Variants in SCIN observed in about 807,000 individuals in gnomAD.
SCIN encodes the protein scinderin, also known as adseverin.
SCIN carries 91 observed loss-of-function variants against 91.8 expected under a neutral mutation model. The observed-to-expected ratio is 0.99, with a 90% CI of 0.84 to 1.18. SCIN has a LOEUF of 1.18. SCIN is among the 50% of genes most tolerant of loss of function. The pLI is 0.00. For synonymous variants in SCIN, 367 were observed against 312.6 expected, an observed-to-expected ratio of 1.17 and a Z score of -1.84; for missense variants, 1,087 against 863.9, an observed-to-expected ratio of 1.26 and a Z score of -3.24.
chr7:12,570,770 C>G lies in SCIN; in HGVS notation c.-17C>G. ...CAGCGATATCACGCGTCCCCCGGAG[C>G]ATCGCGTGCAGGAGCCATGGCGCGG... On this transcript the variant is annotated 5_prime_UTR_variant, in exon 1 of 16. Coordinates refer to ENST00000297029, the MANE Select transcript of SCIN (RefSeq NM_001112706.3). 6.5e-7 allele frequency: 1 copy of G among 1,547,816 alleles called. No homozygotes were observed. The highest frequency in any genetic ancestry group is 8.7e-7 in the Non-Finnish European group (1 of 1,145,118).
chr7:12,587,021 C>T (rs1478829439), intron 3 of SCIN, among the ~76,000 whole-genome samples: 1 of 151,952 alleles, frequency 6.6e-6, no homozygotes, highest in East Asian at 1.9e-4. Flanking sequence ...TTGTATAGTG[C>T]TATGTGGTGA....
chr7:12,590,478 T>C (rs1293520029), intron 3 of SCIN, among the ~76,000 whole-genome samples: 2 of 152,072 alleles, frequency 1.3e-5, no homozygotes, highest in Non-Finnish European at 2.9e-5. Flanking sequence ...CACACTGATA[T>C]GGAAGGATTG....
rs75175920 is a variant in SCIN at position 12,636,060 on chromosome 7, C to T, written c.1335C>T (p.Ala445=). Residue 445 remains alanine, a synonymous_variant, in exon 10 of 16, where the codon GCC becomes GCT. Coordinates refer to ENST00000297029, the MANE Select transcript of SCIN (RefSeq NM_001112706.3). ...ATTCCTCTAGGCAAGGAGCAAATGC[C>T]ACACGAGATGAGCTGACAACATCTG... is the stretch of plus-strand genomic sequence containing the variant. ...QIIYTWQGAN[A]TRDELTTSAF... is the part of the protein sequence containing the mutation. The T allele has an allele frequency of 9.3e-4, 1,501 of 1,612,548 alleles. 17 individuals carry two copies. In the African/African-American group the frequency reaches 0.018, roughly 19 times the overall value.
rs922389879 is a variant in SCIN, at chr7:12,656,403, T to G, written c.*3688T>G. 2 of 152,198 alleles carry G rather than the reference T, an allele frequency of 1.3e-5. No individual in the cohort carries two copies. Among genetic ancestry groups the G allele is most frequent in the Non-Finnish European group, 1.5e-5 (1 of 68,032 alleles). The allele number at this position is 152,198 out of a possible 1,614,324, so 9.4% of individuals were successfully genotyped here. ...AAACCTAATTTATTTTAAACCTAAT[T>G]TATTTATTTTAAACCTAATTTATTT... On this transcript the variant is annotated 3_prime_UTR_variant, in exon 16 of 16. Transcript: ENST00000297029.
intron 4 of SCIN, among the ~76,000 whole-genome samples, chr7:12,607,487 T>A (rs941531855): frequency 2.6e-5 from 4 of 152,242 alleles, no homozygotes; most frequent in Non-Finnish European, 4.4e-5. Context: ...GAAGAAAAAC[T>A]GTGCAAAAAT....
intron 2 of SCIN, 90 bp downstream of exon 2, chr7:12,578,308 G>C (rs1172079609): frequency 2.5e-6 from 3 of 1,219,628 alleles, no homozygotes; most frequent in East Asian, 2.7e-5. Flanking sequence ...GTTCGTTGAG[G>C]GCAGGGGTTT....
chr7:12,592,295 C>T (rs6967031), intron 3 of SCIN, among the ~76,000 whole-genome samples: 70,897 of 151,728 alleles, frequency 0.47, 17,717 homozygotes, highest in East Asian at 0.79. Flanking sequence ...ACTGATGGCT[C>T]GGAGGTTGTG....
In SCIN at chr7:12,659,304, CT is replaced by C. The variant is rs1784221923; in HGVS notation, c.*6591del. ...CATTTACCACCCATTTGTCTATGGA[CT>C]TAATCTATGTCTCTATGAGCTGGTA... On this transcript the variant is annotated 3_prime_UTR_variant, in exon 16 of 16. Coordinates refer to ENST00000297029, the MANE Select transcript of SCIN (RefSeq NM_001112706.3). The C allele has an allele frequency of 6.6e-6, 1 of 152,162 alleles. No individual in the cohort carries two copies. The highest frequency in any genetic ancestry group is 6.5e-5 in the Admixed American group (1 of 15,280). The allele number at this position is 152,162 out of a possible 1,614,324, so 9.4% of individuals were successfully genotyped here.
chr7:12,641,040 C>G (rs921674374), intron 11 of SCIN, among the ~76,000 whole-genome samples: 2 of 152,200 alleles, frequency 1.3e-5, no homozygotes, highest in Admixed American at 6.5e-5. Context: ...CAGGTATAGA[C>G]AAGGCCAGCC....
chr7:12,653,104 A>C lies in SCIN; in HGVS notation c.*389A>C, dbSNP rs1212353352. ...TGGGCAACAGAGACTCTGTCTCAAA[A>C]AAAAAAAAAAAAAAAATTAACCTCA... On this transcript the variant is annotated 3_prime_UTR_variant, in exon 16 of 16. Transcript: ENST00000297029. This position sits in a 1 kb window ranked among gnomAD's most constrained non-coding sequence, Gnocchi z 4.1. 1 of 151,412 alleles carries C rather than the reference A, an allele frequency of 6.6e-6. No homozygotes were observed. Among genetic ancestry groups the C allele is most frequent in the South Asian group, 2.1e-4 (1 of 4,836 alleles). 9.4% of individuals were successfully genotyped at this position (151,412 alleles called of 1,614,324 possible). A position where few individuals can be genotyped will look rare whatever the true frequency, so the allele number is the denominator to read the frequency against.
intron 1 of SCIN, chr7:12,577,597 T>G (rs1360633138): frequency 7.0e-5 from 32 of 456,226 alleles, no homozygotes; most frequent in Non-Finnish European, 1.1e-4. Context: ...ATACCTGTAA[T>G]CCCCAACAAT....
At chr7:12,586,008 A>T (rs1396945637) in intron 3 of SCIN, among the ~76,000 whole-genome samples, 1 of 152,008 alleles carries the variant, frequency 6.6e-6, no homozygotes, top group African/African-American at 2.4e-5. Flanking sequence ...TCAGATTTAG[A>T]CTTAACTTCC....
intron 3 of SCIN, among the ~76,000 whole-genome samples, chr7:12,600,928 A>G (rs1782944416): frequency 6.6e-6 from 1 of 152,186 alleles, no homozygotes; most frequent in African/African-American, 2.4e-5. Flanking sequence ...TGTAACTGCT[A>G]ACTTTGTCAT....
chr7:12,636,220 A>T (rs184733870), intron 10 of SCIN, 85 bp downstream of exon 10: 8 of 938,082 alleles, frequency 8.5e-6, no homozygotes, highest in African/African-American at 5.0e-5. Flanking sequence ...CCAAGTTGGG[A>T]TAGAAATTTG....
intron 3 of SCIN, among the ~76,000 whole-genome samples, chr7:12,601,657 CA>C (rs68150541): frequency 0.013 from 1,979 of 151,022 alleles, 40 homozygotes; most frequent in African/African-American, 0.044. Flanking sequence ...TAAAAACAAA[CA>C]AAAAAAAATC....
chr7:12,609,456 G>A (rs1289936225), intron 4 of SCIN, among the ~76,000 whole-genome samples: 1 of 151,810 alleles, frequency 6.6e-6, no homozygotes, highest in Non-Finnish European at 1.5e-5. Flanking sequence ...CTAGCCCTAA[G>A]GTCCCAAACT....
intron 6 of SCIN, 95 bp downstream of exon 6, chr7:12,625,237 CCA>C (rs945937350): frequency 1.7e-6 from 2 of 1,176,182 alleles, no homozygotes; most frequent in Non-Finnish European, 2.3e-6. Flanking sequence ...AAAAAAAAGC[CCA>C]CCTTTTAATT....
intron 2 of SCIN, among the ~76,000 whole-genome samples, chr7:12,580,857 A>C (rs561040902): frequency 2.0e-5 from 3 of 152,354 alleles, no homozygotes; most frequent in Admixed American, 6.5e-5. Flanking sequence ...AACAGAAAGA[A>C]TAAAGAGACC....
At chr7:12,599,688 T>A (rs1380164929) in intron 3 of SCIN, among the ~76,000 whole-genome samples, 1 of 152,150 alleles carries the variant, frequency 6.6e-6, no homozygotes, top group African/African-American at 2.4e-5. Flanking sequence ...ATCTGTTTTT[T>A]TTTTATTTTT....
Sources: gnomAD v4.1 joint callset for allele counts (sites outside exome capture counted in the v4.1 genomes callset) on GRCh38, gnomAD v4.1.1 for gene constraint, Gnocchi (gnomAD v3.1) non-coding constraint, MANE v1.5 for transcripts, NCBI Gene and HGNC (gene_info 2026-07-23, HGNC 2026-07-21) for gene names.